DLG2: variants seen among roughly 807,000 people sequenced by gnomAD.
DLG2 encodes the protein disks large homolog 2.
A neutral mutation model predicts 132.5 loss-of-function variants in DLG2; 45 were observed. That is an observed-to-expected ratio of 0.34 (90% CI 0.27 to 0.44). DLG2 has a LOEUF of 0.44. DLG2 is among the 20% of genes least tolerant of loss of function. The pLI is 1.00. For synonymous variants in DLG2, 424 were observed against 419.6 expected (o/e 1.01, Z -0.13); for missense variants, 1,045 against 1,196.9 (o/e 0.87, Z 1.87).
At chr11:83,954,232 T>G (rs1400436325) in intron 14 of DLG2, among the ~76,000 whole-genome samples, 1 of 152,172 alleles carries the variant, frequency 6.6e-6, no homozygotes, top group Non-Finnish European at 1.5e-5. Context: ...ATTTGGATGT[T>G]CCCCTTGAAT....
intron 2 of DLG2, 137 bp downstream of exon 2, chr11:85,626,450 T>G (rs1367645260): frequency 6.6e-6 from 1 of 152,190 alleles, no homozygotes; most frequent in Non-Finnish European, 1.5e-5. Flanking sequence ...AAAATAATAT[T>G]ACTGAATTAT....
At chr11:85,403,123 A>C (rs2088336862) in intron 3 of DLG2, among the ~76,000 whole-genome samples, 1 of 152,214 alleles carries the variant, frequency 6.6e-6, no homozygotes, top group Non-Finnish European at 1.5e-5. Context: ...CTGGATTAAG[A>C]AAATGTGGCA....
intron 3 of DLG2, among the ~76,000 whole-genome samples, chr11:85,337,227 T>C (rs1427077887): frequency 2.0e-5 from 3 of 152,228 alleles, no homozygotes; most frequent in African/African-American, 7.2e-5. Flanking sequence ...TGAATTATTC[T>C]GTTAAAAATA....
chr11:84,155,506 G>A (rs906449837), intron 9 of DLG2, among the ~76,000 whole-genome samples: 4 of 151,288 alleles, frequency 2.6e-5, no homozygotes, highest in African/African-American at 9.7e-5. Context: ...CCCTACCAGT[G>A]CTGGCTGCAA....
chr11:83,884,419 C>A (rs1434258284), intron 15 of DLG2, among the ~76,000 whole-genome samples: 1 of 152,176 alleles, frequency 6.6e-6, no homozygotes, highest in Non-Finnish European at 1.5e-5. Context: ...CCCAGGCTTG[C>A]TTAGGTAAAC....
intron 8 of DLG2, among the ~76,000 whole-genome samples, chr11:84,250,462 C>T (rs1432185574): frequency 6.6e-6 from 1 of 152,146 alleles, no homozygotes; most frequent in East Asian, 1.9e-4. Context: ...GTCCATTACC[C>T]TTGTAGCCCT....
intron 6 of DLG2, among the ~76,000 whole-genome samples, chr11:85,072,187 C>T (rs988938514): frequency 6.6e-6 from 1 of 151,708 alleles, no homozygotes; most frequent in Non-Finnish European, 1.5e-5. Context: ...TACAATAGGC[C>T]ATCTTATTTA....
At chr11:84,434,959 G>T (rs529871539) in intron 7 of DLG2, among the ~76,000 whole-genome samples, 91 of 147,772 alleles carry the variant, frequency 6.2e-4, no homozygotes, top group African/African-American at 2.2e-3. Context: ...AATTTATAGA[G>T]GGTACTAAAA....
At chr11:84,547,872 C>G (rs1283734430) in intron 6 of DLG2, among the ~76,000 whole-genome samples, 1 of 152,092 alleles carries the variant, frequency 6.6e-6, no homozygotes, top group African/African-American at 2.4e-5. Flanking sequence ...GATGTAAGCT[C>G]CTTAGACTCC....
intron 15 of DLG2, among the ~76,000 whole-genome samples, chr11:83,906,269 A>T (rs1323649052): frequency 0.28 from 23,249 of 81,596 alleles, 2,804 homozygotes; most frequent in South Asian, 0.35. Flanking sequence ...ACACACACAC[A>T]CACACACACA....
At chr11:85,350,144 G>T (rs969807753) in intron 3 of DLG2, among the ~76,000 whole-genome samples, 4 of 152,204 alleles carry the variant, frequency 2.6e-5, no homozygotes, top group Non-Finnish European at 4.4e-5. Flanking sequence ...GTTTTGATTT[G>T]CATTTCTCTG....
intron 3 of DLG2, among the ~76,000 whole-genome samples, chr11:85,413,775 C>T (rs892448036): frequency 2.0e-5 from 3 of 152,022 alleles, no homozygotes; most frequent in Non-Finnish European, 4.4e-5. Flanking sequence ...ATTTTTATAC[C>T]AGTGCCATGC....
intron 3 of DLG2, among the ~76,000 whole-genome samples, chr11:85,374,584 G>T (rs2085254054): frequency 6.6e-6 from 1 of 152,038 alleles, no homozygotes; most frequent in South Asian, 2.1e-4. Flanking sequence ...CCTGACCTCA[G>T]GTGATCTACC....
At chr11:85,439,610 C>T (rs568148565) in intron 3 of DLG2, among the ~76,000 whole-genome samples, 59 of 152,210 alleles carry the variant, frequency 3.9e-4, no homozygotes, top group African/African-American at 1.2e-3. Context: ...GTACCCGCCT[C>T]GGCCTCCCAA....
intron 19 of DLG2, among the ~76,000 whole-genome samples, chr11:83,571,700 A>G (rs1424298445): frequency 6.6e-6 from 1 of 152,096 alleles, no homozygotes; most frequent in East Asian, 1.9e-4. Context: ...TGATGAGCGG[A>G]CTGAAACTGT....
At chr11:84,362,108 T>G (rs981270566) in intron 7 of DLG2, among the ~76,000 whole-genome samples, 3 of 151,872 alleles carry the variant, frequency 2.0e-5, no homozygotes, top group Non-Finnish European at 2.9e-5. Context: ...GATTGATGGA[T>G]TGAATAAAAA....
At chr11:85,253,983 T>C (rs533412293) in intron 4 of DLG2, among the ~76,000 whole-genome samples, 6 of 152,232 alleles carry the variant, frequency 3.9e-5, no homozygotes, top group Admixed American at 1.3e-4. Context: ...AGCTGAGCCT[T>C]GGGTTTTTAT....
At chr11:83,987,826 T>C (rs1431347429) in intron 11 of DLG2, among the ~76,000 whole-genome samples, 5 of 152,154 alleles carry the variant, frequency 3.3e-5, no homozygotes, top group South Asian at 2.1e-4. Flanking sequence ...GCCATCTCTC[T>C]GGTGTGAGGT....
chr11:83,644,645 C>T (rs1173213785), intron 18 of DLG2, among the ~76,000 whole-genome samples: 1 of 152,038 alleles, frequency 6.6e-6, no homozygotes, highest in Non-Finnish European at 1.5e-5. Flanking sequence ...AACTCATAAA[C>T]AGGAGCTGAA....
Sources: allele counts gnomAD v4.1 joint callset (sites outside exome capture counted in the v4.1 genomes callset), GRCh38; gene constraint gnomAD v4.1.1; transcripts MANE v1.5; gene names NCBI Gene and HGNC (gene_info 2026-07-23, HGNC 2026-07-21).